Variants in GRM8 observed in about 807,000 individuals in gnomAD.
GRM8 encodes glutamate metabotropic receptor 8, also known as metabotropic glutamate receptor 8.
In GRM8, 47 loss-of-function variants were observed where a neutral mutation model predicts 87.2. The ratio of observed to expected loss-of-function variants is 0.54; its 90% confidence interval spans 0.43 to 0.69. GRM8 has a LOEUF of 0.69. Among genes scored for constraint, GRM8 ranks in the 30% least tolerant of loss-of-function variants. GRM8 has a pLI of 0.00. For synonymous variants in GRM8, 396 were observed against 404.5 expected (o/e 0.98, Z 0.25); for missense variants, 1,019 against 1,139.2 (o/e 0.89, Z 1.52).
chr7:126,962,345 T>C (rs1809405305), intron 3 of GRM8, among the ~76,000 whole-genome samples: 1 of 152,188 alleles, frequency 6.6e-6, no homozygotes. Context: ...CTTTTTACAA[T>C]GCCCCCATGC....
At chr7:126,775,512 A>G (rs1372360702) in intron 6 of GRM8, among the ~76,000 whole-genome samples, 1 of 129,302 alleles carries the variant, frequency 7.7e-6, no homozygotes. Flanking sequence ...TTTTTTTACT[A>G]AATTTAAACT....
At chr7:127,120,033 C>T (rs781089854) in intron 2 of GRM8, among the ~76,000 whole-genome samples, 20 of 152,192 alleles carry the variant, frequency 1.3e-4, no homozygotes, top group Non-Finnish European at 2.5e-4. Context: ...AAATGACATG[C>T]CCAAAACTTG....
intron 9 of GRM8, among the ~76,000 whole-genome samples, chr7:126,474,494 C>A (rs550895311): frequency 6.6e-6 from 1 of 152,114 alleles, no homozygotes; most frequent in Non-Finnish European, 1.5e-5. Context: ...GTCTTGAATT[C>A]TTGGGCTCAA....
chr7:126,520,495 C>A (rs1812825951), intron 9 of GRM8, among the ~76,000 whole-genome samples: 2 of 152,036 alleles, frequency 1.3e-5, no homozygotes, highest in South Asian at 4.1e-4. Flanking sequence ...ACGAATGCAG[C>A]TTTTCTAGCA....
rs79051810 is a variant in GRM8, at chr7:126,646,154, C to T, written c.1358-36656G>A. The stretch of plus-strand genomic sequence containing the variant: ...CTTAACCTCTTCTTCCCTGCCAACA[C>T]TTAACCTATCTGCATTCAAATGCAG... On this transcript the variant is annotated intron_variant, in intron 7 of 10. Coordinates refer to ENST00000339582, the MANE Select transcript of GRM8 (RefSeq NM_000845.3). Among the ~76,000 whole-genome samples the T allele has an allele frequency of 1.5e-3, 229 of 152,162 alleles. 1 individual carries two copies. Among genetic ancestry groups the T allele is most frequent in the African/African-American group, 5.3e-3 (222 of 41,514 alleles).
At chr7:126,771,713 A>G (rs149842219) in intron 6 of GRM8, among the ~76,000 whole-genome samples, 1 of 152,064 alleles carries the variant, frequency 6.6e-6, no homozygotes, top group African/African-American at 2.4e-5. Flanking sequence ...CCAATGGCCT[A>G]CCATATCTCT....
intron 8 of GRM8, among the ~76,000 whole-genome samples, chr7:126,566,485 G>A (rs1029925738): frequency 7.2e-5 from 11 of 152,026 alleles, no homozygotes; most frequent in Non-Finnish European, 1.3e-4. Flanking sequence ...ATCACAATGA[G>A]GTATCACCTC....
chr7:126,690,428 A>G (rs1009052568), intron 7 of GRM8, among the ~76,000 whole-genome samples: 63 of 152,194 alleles, frequency 4.1e-4, no homozygotes, highest in African/African-American at 1.5e-3. Context: ...AACCAGGCAT[A>G]CCACAAGCAG....
chr7:126,689,291 C>T (rs1440275232), intron 7 of GRM8, among the ~76,000 whole-genome samples: 1 of 152,178 alleles, frequency 6.6e-6, no homozygotes, highest in East Asian at 1.9e-4. Flanking sequence ...GTCTTGAGCC[C>T]TGTGCACAAT....
intron 9 of GRM8, among the ~76,000 whole-genome samples, chr7:126,529,908 G>A (rs1814532151): frequency 6.6e-6 from 1 of 152,086 alleles, no homozygotes; most frequent in African/African-American, 2.4e-5. Flanking sequence ...TTTCTATAGG[G>A]AAACCAAAGG....
chr7:126,727,396 T>C (rs899823987), intron 7 of GRM8, among the ~76,000 whole-genome samples: 2 of 152,086 alleles, frequency 1.3e-5, no homozygotes, highest in African/African-American at 2.4e-5. Context: ...TTTTTAAATA[T>C]AGTATATGAC....
chr7:127,072,633 A>ATT (rs1821820396), intron 3 of GRM8, among the ~76,000 whole-genome samples: 1 of 118,468 alleles, frequency 8.4e-6, no homozygotes, highest in African/African-American at 2.9e-5. Context: ...CTCATATTAT[A>ATT]CTTTTTTTTT....
intron 3 of GRM8, among the ~76,000 whole-genome samples, chr7:126,951,886 A>G (rs1192361143): frequency 6.6e-6 from 1 of 152,046 alleles, no homozygotes; most frequent in Non-Finnish European, 1.5e-5. Flanking sequence ...AGAGGTGTGT[A>G]TATGTGCAGG....
intron 6 of GRM8, among the ~76,000 whole-genome samples, chr7:126,837,946 T>G (rs754451897): frequency 1.1e-4 from 16 of 152,180 alleles, no homozygotes; most frequent in African/African-American, 3.9e-4. Context: ...AGACGTGTAG[T>G]GCTTCCCTTA....
intron 8 of GRM8, among the ~76,000 whole-genome samples, chr7:126,537,354 G>A (rs761035161): frequency 6.6e-6 from 1 of 152,282 alleles, no homozygotes; most frequent in African/African-American, 2.4e-5. Flanking sequence ...CATAGCTAAA[G>A]TCTGAAAACC....
At chr7:126,681,642 G>C (rs1212557030) in intron 7 of GRM8, among the ~76,000 whole-genome samples, 1 of 152,208 alleles carries the variant, frequency 6.6e-6, no homozygotes, top group Non-Finnish European at 1.5e-5. Flanking sequence ...CAGGGACTTT[G>C]TCTCATTCCC....
At chr7:126,471,943 C>T (rs1297013205) in intron 9 of GRM8, among the ~76,000 whole-genome samples, 4 of 152,118 alleles carry the variant, frequency 2.6e-5, no homozygotes, top group Admixed American at 2.0e-4. Context: ...ATTTTATTCT[C>T]TTTGAAGCAA....
intron 3 of GRM8, among the ~76,000 whole-genome samples, chr7:127,045,832 C>T (rs1818873449): frequency 6.6e-6 from 1 of 152,052 alleles, no homozygotes; most frequent in South Asian, 2.1e-4. Flanking sequence ...TTGTTTTTTG[C>T]CTGTTTGCTT....
intron 6 of GRM8, among the ~76,000 whole-genome samples, chr7:126,867,984 T>A (rs924327636): frequency 2.0e-5 from 3 of 151,662 alleles, no homozygotes; most frequent in Admixed American, 6.6e-5. Context: ...AGAGAAAAAA[T>A]GAAGTGTGAA....
Sources: allele counts gnomAD v4.1 joint callset (sites outside exome capture counted in the v4.1 genomes callset), GRCh38; gene constraint gnomAD v4.1.1; transcripts MANE v1.5; gene names NCBI Gene and HGNC (gene_info 2026-07-23, HGNC 2026-07-21).